The following ANXA6 variants were observed in gnomAD, a reference collection of about 807,000 sequenced individuals.
The protein encoded by ANXA6 is 67 kDa calelectrin.
Under a neutral mutation model 95.4 loss-of-function variants are expected in ANXA6, and 71 were observed. The observed-to-expected ratio is 0.74, with a 90% CI of 0.61 to 0.91. ANXA6 has a LOEUF of 0.91. Ranked by LOEUF, ANXA6 falls within the 40% of genes least tolerant of loss-of-function variation. ANXA6 has a pLI of 0.00. For synonymous variants in ANXA6, 289 were observed against 315.9 expected, an observed-to-expected ratio of 0.91 and a Z score of 0.90; for missense variants, 830 against 876.4, an observed-to-expected ratio of 0.95 and a Z score of 0.67.
At chr5:151,154,223 CA>C (rs1400188423) in intron 1 of ANXA6, among the ~76,000 whole-genome samples, 1 of 150,472 alleles carries the variant, frequency 6.6e-6, no homozygotes, top group African/African-American at 2.5e-5. Context: ...GGGGGTTGAA[CA>C]GAAAATGAGA....
Position 151,122,241 on chromosome 5 carries a change from T to A in ANXA6, c.1253A>T (p.Lys418Met). Residue 418 changes from lysine to methionine, a missense_variant, in exon 17 of 26, where the codon AAG becomes ATG. Transcript: ENST00000354546. ...HFGRDLMTDL[K>M]SEISGDLARL... is the part of the protein sequence containing the mutation. ...TGCCAGGTCTCCAGAGATCTCAGAC[T>A]TCAGGTCAGTCATTAAGTCCTGCAA... 6.2e-7 allele frequency: 1 copy of A among 1,604,828 alleles called. No homozygotes were observed. The highest frequency in any genetic ancestry group is 1.1e-5 in the South Asian group (1 of 89,134).
Position 151,140,454 on chromosome 5 carries a change from A to G in ANXA6, c.19-211T>C, listed in dbSNP as rs551928002. On this transcript the variant is annotated intron_variant, in intron 2 of 25. Transcript: ENST00000354546. ...CCCAAAGGACAGTGCCATTTCCCCA[A>G]GGGAGGGGGGCTTGGCCAAGGCCTG... 4.8e-5 allele frequency: 27 copies of G among 561,282 alleles called. No homozygotes were observed. The South Asian group carries it at 5.4e-4, about 11-fold the overall frequency. The allele number at this position is 561,282 out of a possible 1,614,324, so 34.8% of individuals were successfully genotyped here. A position where few individuals can be genotyped will look rare whatever the true frequency, so the allele number is the denominator to read the frequency against.
intron 5 of ANXA6, among the ~76,000 whole-genome samples, chr5:151,137,767 AG>A (rs1214613099): frequency 1.4e-4 from 22 of 152,152 alleles, no homozygotes; most frequent in African/African-American, 4.8e-4. Flanking sequence ...AAGCTTCTTG[AG>A]GCCTCCCCGG....
intron 10 of ANXA6, 54 bp from the exon 11 acceptor site, chr5:151,131,343 G>C: frequency 3.2e-6 from 5 of 1,569,396 alleles, no homozygotes; most frequent in Non-Finnish European, 4.4e-6. Flanking sequence ...GAAGGGGGAT[G>C]GGATGGCCTG....
At chr5:151,126,295 G>A (rs1302266983) in intron 14 of ANXA6, 107 bp downstream of exon 14, 13 of 890,454 alleles carry the variant, frequency 1.5e-5, no homozygotes, top group Admixed American at 1.2e-4. Context: ...GAATCAACGT[G>A]TCGGGTTGGC....
chr5:151,132,724 G>A (rs1765552214), intron 9 of ANXA6, among the ~76,000 whole-genome samples, 153 bp from the exon 10 acceptor site: 1 of 151,980 alleles, frequency 6.6e-6, no homozygotes, highest in Non-Finnish European at 1.5e-5. Flanking sequence ...GGGAGGTCAC[G>A]CACATCACCA....
Position 151,119,317 on chromosome 5 carries a change from T to C in ANXA6, c.1421A>G (p.Asn474Ser), listed in dbSNP as rs748767470. The C allele has an allele frequency of 1.4e-5, 22 of 1,613,342 alleles. No individual in the cohort carries two copies. The highest frequency in any genetic ancestry group is 6.7e-5 in the East Asian group (3 of 44,886). Residue 474 changes from asparagine to serine, a missense_variant, in exon 18 of 26, where the codon AAT becomes AGT. Asn to Ser is a conservative substitution (Grantham distance 46). Coordinates refer to ENST00000354546, the MANE Select transcript of ANXA6 (RefSeq NM_001155.5). ...AAACTCACCCTCCTTATAGGCCTCA[T>C]TGATGGCCCGGATTTCAGCATTGGT... is the stretch of plus-strand genomic sequence containing the variant. ...TRTNAEIRAI[N>S]EAYKEDYHKS... is the part of the protein sequence containing the mutation.
Position 151,103,641 on chromosome 5 carries a change from C to T in ANXA6, c.1891G>A (p.Glu631Lys), listed in dbSNP as rs773760206. 5 of 1,611,426 alleles carry T rather than the reference C, an allele frequency of 3.1e-6. No homozygotes were observed. In the Admixed American group the frequency reaches 6.7e-5, roughly 22 times the overall value. Residue 631 changes from glutamate (E) to lysine (K), a missense_variant, in exon 25 of 26, where the codon GAG becomes AAG. By Grantham distance (56) the Glu-to-Lys change is moderately conservative. Coordinates refer to ENST00000354546, the MANE Select transcript of ANXA6 (RefSeq NM_001155.5). ...TLTRIMVSRS[E>K]IDLLNIRREF... ...CTCCGGATGTTGAGCAGGTCAATCT[C>T]ACTGCGGGATACCATGATCCTGGTC...
intron 9 of ANXA6, 112 bp from the exon 10 acceptor site, chr5:151,132,683 A>T: frequency 3.5e-6 from 3 of 855,968 alleles, no homozygotes; most frequent in Non-Finnish European, 5.4e-6. Flanking sequence ...TCCACCATGA[A>T]GCTAGGGCTG....
At chr5:151,136,148 G>A in intron 7 of ANXA6, 108 bp downstream of exon 7, 1 of 1,046,224 alleles carries the variant, frequency 9.6e-7, no homozygotes, top group Non-Finnish European at 1.4e-6. Context: ...ACCTGCCTGT[G>A]CAAACCAGGG....
At chr5:151,117,636 A>C in intron 19 of ANXA6, 122 bp downstream of exon 19, 1 of 836,122 alleles carries the variant, frequency 1.2e-6, no homozygotes, top group South Asian at 1.6e-5. Flanking sequence ...GCAAGTGGGG[A>C]GACACCCCCT....
intron 1 of ANXA6, among the ~76,000 whole-genome samples, chr5:151,149,565 C>T (rs72790151): frequency 0.25 from 38,600 of 151,850 alleles, 5,532 homozygotes; most frequent in East Asian, 0.63. Flanking sequence ...CAGCTCCCTG[C>T]AACCTCCACC....
At chr5:151,148,942 A>C (rs1007213731) in intron 1 of ANXA6, among the ~76,000 whole-genome samples, 1 of 151,996 alleles carries the variant, frequency 6.6e-6, no homozygotes, top group South Asian at 2.1e-4. Context: ...TGGGAAGCTG[A>C]GGTGGGAGGA....
intron 16 of ANXA6, 21 bp downstream of exon 16, chr5:151,122,896 A>T (rs753079555): frequency 1.2e-6 from 2 of 1,608,788 alleles, no homozygotes; most frequent in Admixed American, 3.3e-5. Flanking sequence ...TTGCACAGAG[A>T]GCCCAGGAGG....
At chr5:151,149,659 G>T (rs902192767) in intron 1 of ANXA6, among the ~76,000 whole-genome samples, 1 of 152,086 alleles carries the variant, frequency 6.6e-6, no homozygotes, top group East Asian at 1.9e-4. Context: ...GCTAATTTTC[G>T]TATTTTTAGT....
At chr5:151,148,101 C>T (rs983630177) in intron 1 of ANXA6, among the ~76,000 whole-genome samples, 175 bp from the exon 2 acceptor site, 2 of 151,848 alleles carry the variant, frequency 1.3e-5, no homozygotes, top group African/African-American at 4.8e-5. Context: ...AATGGACAGA[C>T]TAGATGGTGT....
intron 14 of ANXA6, among the ~76,000 whole-genome samples, chr5:151,124,992 ATCC>A (rs1765277524): frequency 6.6e-6 from 1 of 152,256 alleles, no homozygotes; most frequent in African/African-American, 2.4e-5. Flanking sequence ...TATCCGTTTT[ATCC>A]TGTTACATAT....
At position 151,128,211 on chromosome 5, in the gene ANXA6, G is replaced by A. The variant is rs1051554521; in HGVS notation, c.947C>T (p.Thr316Ile). Residue 316 changes from threonine (T) to isoleucine (I), a missense_variant, in exon 13 of 26, where the codon ACT (threonine) becomes ATT (isoleucine). Thr to Ile is a moderately conservative substitution (Grantham distance 89). Coordinates refer to ENST00000354546, the MANE Select transcript of ANXA6 (RefSeq NM_001155.5). ...ATCTCCCCCAGACAGCTTCAGCAGA[G>A]TCTTCTTGTACTCGCCAGAGGTGTC... The part of the protein sequence containing the change: ...KNDTSGEYKK[T>I]LLKLSGGDDD... 85 of 1,612,470 alleles carry A rather than the reference G, an allele frequency of 5.3e-5. No individual in the cohort carries two copies. The East Asian group carries it at 1.8e-3, about 35-fold the overall frequency.
At position 151,101,330 on chromosome 5, in the gene ANXA6, A is replaced by ACCCCTCCCCCCCCCCCCCC; in HGVS notation, c.*117_*118insGGGGGGGGGGGGGGAGGGG. On this transcript the variant is annotated 3_prime_UTR_variant, in exon 26 of 26. Transcript: ENST00000354546. Reference sequence around the variant, plus strand: ...CCACTGAAGATAAGAGCCCAACCCAACCCCTCCCCCCACCCCTGCCCCTTC... The same window carrying ACCCCTCCCCCCCCCCCCCC: ...CCACTGAAGATAAGAGCCCAACCCAACCCCTCCCCCCCCCCCCCCCCCCTCCCCCCACCCCTGCCCCTTC... 2.6e-6 allele frequency: 1 copy of ACCCCTCCCCCCCCCCCCCC among 385,870 alleles called. No individual in the cohort carries two copies. The allele number at this position is 385,870 out of a possible 1,614,324, so 23.9% of individuals were successfully genotyped here.
Sources: gnomAD v4.1 joint callset for allele counts (sites outside exome capture counted in the v4.1 genomes callset) on GRCh38, gnomAD v4.1.1 for gene constraint, MANE v1.5 for transcripts, NCBI Gene and HGNC (gene_info 2026-07-23, HGNC 2026-07-21) for gene names.